ANKS1B: variants seen among roughly 807,000 people sequenced by gnomAD.
ANKS1B encodes the protein ankyrin repeat and sterile alpha motif domain containing 1B, also known as ankyrin repeat and sterile alpha motif domain-containing protein 1B.
Under a neutral mutation model 148.3 loss-of-function variants are expected in ANKS1B, and 36 were observed. The ratio of observed to expected loss-of-function variants is 0.24; its 90% CI spans 0.19 to 0.32. The LOEUF is 0.32. ANKS1B is among the 10% of genes least tolerant of loss of function. The pLI is 1.00. For synonymous variants in ANKS1B, 542 were observed against 560.8 expected (o/e 0.97, Z 0.47); for missense variants, 1,157 against 1,542.6 (o/e 0.75, Z 4.19).
At chr12:99,550,387 G>C (rs2097206871) in intron 9 of ANKS1B, among the ~76,000 whole-genome samples, 1 of 152,140 alleles carries the variant, frequency 6.6e-6, no homozygotes. Context: ...ACTCTGGGAG[G>C]CTGAGGCAGG....
intron 16 of ANKS1B, among the ~76,000 whole-genome samples, chr12:99,059,306 A>G (rs1383794522): frequency 1.3e-5 from 2 of 152,236 alleles, no homozygotes; most frequent in Admixed American, 6.5e-5. Flanking sequence ...AGCATCTCAC[A>G]TATGGCAAGC....
chr12:99,098,169 A>T (rs1350997700), intron 15 of ANKS1B, among the ~76,000 whole-genome samples: 1 of 152,234 alleles, frequency 6.6e-6, no homozygotes, highest in Non-Finnish European at 1.5e-5. Flanking sequence ...GGAAGCATAA[A>T]GATTACTAGG....
chr12:99,881,039 G>T (rs77240760), intron 1 of ANKS1B, among the ~76,000 whole-genome samples: 5,976 of 152,280 alleles, frequency 0.039, 370 homozygotes, highest in African/African-American at 0.13. Flanking sequence ...ATTGCAGATG[G>T]ATTGGAGAAG....
At chr12:99,460,214 G>A (rs1203260536) in intron 10 of ANKS1B, among the ~76,000 whole-genome samples, 8 of 152,018 alleles carry the variant, frequency 5.3e-5, no homozygotes, top group South Asian at 4.1e-4. Flanking sequence ...GGCAAGCCAC[G>A]TAAAAGAATG....
At chr12:99,434,949 A>G (rs1222097992) in intron 11 of ANKS1B, among the ~76,000 whole-genome samples, 1 of 152,112 alleles carries the variant, frequency 6.6e-6, no homozygotes, top group Non-Finnish European at 1.5e-5. Context: ...CAAAGTATAA[A>G]AAATTACATT....
At chr12:98,866,893 C>T (rs1042048769) in intron 17 of ANKS1B, among the ~76,000 whole-genome samples, 1 of 152,084 alleles carries the variant, frequency 6.6e-6, no homozygotes, top group Admixed American at 6.5e-5. Context: ...TTTGGGCTCC[C>T]CTAGTAGGTT....
At chr12:99,332,735 C>A (rs570251281) in intron 12 of ANKS1B, among the ~76,000 whole-genome samples, 1 of 150,290 alleles carries the variant, frequency 6.7e-6, no homozygotes, top group South Asian at 2.1e-4. Context: ...GACCATGGGG[C>A]ATTGTGGGCA....
intron 9 of ANKS1B, among the ~76,000 whole-genome samples, chr12:99,597,191 T>C (rs2097765338): frequency 6.6e-6 from 1 of 151,858 alleles, no homozygotes; most frequent in South Asian, 2.1e-4. Context: ...GTCTTCTTAG[T>C]GGTCGTTATA....
chr12:99,600,111 C>T (rs1164125517), intron 9 of ANKS1B, among the ~76,000 whole-genome samples: 1 of 151,686 alleles, frequency 6.6e-6, no homozygotes, highest in Admixed American at 6.6e-5. Flanking sequence ...ACTGCCTGTA[C>T]CATTTTGGAA....
intron 17 of ANKS1B, among the ~76,000 whole-genome samples, chr12:99,023,122 G>A (rs2099946772): frequency 6.6e-6 from 1 of 151,920 alleles, no homozygotes; most frequent in African/African-American, 2.4e-5. Flanking sequence ...ATAATAGTTG[G>A]CCAATATACC....
Position 99,190,071 on chromosome 12 carries a change from A to G in ANKS1B, c.2420-35676T>C, listed in dbSNP as rs375149013. Among the ~76,000 whole-genome samples the G allele has an allele frequency of 2.6e-5, 4 of 152,194 alleles. No homozygotes were observed. In the East Asian group the frequency reaches 5.8e-4, roughly 22 times the overall value. ...ATAGACAAACAGAGAGGCAAATCAT[A>G]AGTGAACTCCCATTCACAATTGCTA... On this transcript the variant is annotated intron_variant, in intron 14 of 26. Coordinates refer to ENST00000683438, the MANE Select transcript of ANKS1B (RefSeq NM_001352186.2).
At chr12:99,148,571 G>A (rs2073950182) in intron 15 of ANKS1B, among the ~76,000 whole-genome samples, 1 of 152,078 alleles carries the variant, frequency 6.6e-6, no homozygotes, top group Non-Finnish European at 1.5e-5. Context: ...TATTGTACTT[G>A]CCTCTTTAAA....
At chr12:99,316,357 G>C (rs188234234) in intron 12 of ANKS1B, among the ~76,000 whole-genome samples, 2 of 151,834 alleles carry the variant, frequency 1.3e-5, no homozygotes, top group East Asian at 3.9e-4. Context: ...TTTAATGATC[G>C]CCATTTTAAC....
At chr12:99,951,984 A>C (rs2095233063) in intron 1 of ANKS1B, among the ~76,000 whole-genome samples, 1 of 152,248 alleles carries the variant, frequency 6.6e-6, no homozygotes, top group African/African-American at 2.4e-5. Context: ...GTATACACGT[A>C]TCAAAATATC....
chr12:99,886,151 C>T (rs954038844), intron 1 of ANKS1B, among the ~76,000 whole-genome samples: 4 of 152,228 alleles, frequency 2.6e-5, no homozygotes, highest in Middle Eastern at 3.2e-3. Flanking sequence ...CTTTTCACCA[C>T]ATTCACGCCA....
intron 9 of ANKS1B, among the ~76,000 whole-genome samples, chr12:99,536,097 C>G (rs1237467496): frequency 6.6e-6 from 1 of 152,156 alleles, no homozygotes; most frequent in South Asian, 2.1e-4. Context: ...ATTTATAGGA[C>G]ATGTCTTTAT....
intron 17 of ANKS1B, among the ~76,000 whole-genome samples, chr12:98,926,554 A>G (rs1456509655): frequency 1.3e-5 from 2 of 152,200 alleles, no homozygotes; most frequent in African/African-American, 4.8e-5. Context: ...GAAACTGTCC[A>G]TGGATGTTGG....
intron 8 of ANKS1B, among the ~76,000 whole-genome samples, chr12:99,704,896 T>C (rs867123408): frequency 9.9e-5 from 15 of 151,876 alleles, no homozygotes; most frequent in African/African-American, 3.6e-4. Flanking sequence ...ATGATAGAAA[T>C]ATATTTGTAA....
At position 99,018,048 on chromosome 12, in the gene ANKS1B, C is replaced by T. The variant is rs191764623; in HGVS notation, c.2778+35109G>A. ...TCCTGGACATGCCCTCAAGCTGGCT[C>T]GATAAACCTTGATGACTGAGATTTA... On this transcript the variant is annotated intron_variant, in intron 17 of 26. Coordinates refer to ENST00000683438, the MANE Select transcript of ANKS1B (RefSeq NM_001352186.2). Among the ~76,000 whole-genome samples the T allele has an allele frequency of 9.8e-4, 149 of 152,222 alleles. 1 individual carries two copies. Among genetic ancestry groups the T allele is most frequent in the Admixed American group, 3.9e-4 (6 of 15,296 alleles).
Sources: allele counts gnomAD v4.1 joint callset (sites outside exome capture counted in the v4.1 genomes callset), GRCh38; gene constraint gnomAD v4.1.1; transcripts MANE v1.5; gene names NCBI Gene and HGNC (gene_info 2026-07-23, HGNC 2026-07-21).